GRID1: variants seen among roughly 807,000 people sequenced by gnomAD.
GRID1 encodes glutamate receptor ionotropic, delta-1.
Under a neutral mutation model 98.0 loss-of-function variants are expected in GRID1, and 28 were observed. The ratio of observed to expected loss-of-function variants is 0.29; its 90% CI spans 0.21 to 0.39. The LOEUF (loss-of-function observed/expected upper bound fraction) is 0.39, where lower values mean the gene tolerates loss of function less well. Among genes scored for constraint, GRID1 ranks in the 10% least tolerant of loss-of-function variants. The pLI is 1.00. For missense variants in GRID1, 1,111 were observed against 1,340.5 expected (o/e 0.83, Z 2.67); for synonymous variants, 553 against 538.5 (o/e 1.03, Z -0.37).
intron 3 of GRID1, among the ~76,000 whole-genome samples, chr10:86,193,146 C>T (rs998677312): frequency 3.3e-5 from 5 of 152,068 alleles, no homozygotes; most frequent in Admixed American, 1.3e-4. Context: ...GTATCCAGAA[C>T]GCACTCACCT....
At chr10:85,904,518 T>C (rs1336349573) in intron 5 of GRID1, among the ~76,000 whole-genome samples, 1 of 152,080 alleles carries the variant, frequency 6.6e-6, no homozygotes, top group Non-Finnish European at 1.5e-5. Flanking sequence ...AAAAATGTGG[T>C]CACTTCCAGA....
intron 4 of GRID1, among the ~76,000 whole-genome samples, chr10:86,080,445 AGGGG>A (rs1564668722): frequency 1.2e-4 from 2 of 16,800 alleles, no homozygotes; most frequent in African/African-American, 9.0e-4. Flanking sequence ...AGGGGAGGGG[AGGGG>A]AGGGGAGGGG....
chr10:85,618,330 G>A (rs933263460), intron 14 of GRID1, among the ~76,000 whole-genome samples: 1 of 152,182 alleles, frequency 6.6e-6, no homozygotes, highest in Non-Finnish European at 1.5e-5. Flanking sequence ...CTTACCATCT[G>A]TTCTAGAGAG....
At chr10:85,892,115 T>A (rs1194295482) in intron 5 of GRID1, among the ~76,000 whole-genome samples, 2 of 147,144 alleles carry the variant, frequency 1.4e-5, no homozygotes, top group East Asian at 4.0e-4. Flanking sequence ...ATACACTGGA[T>A]AAAATTAACA....
intron 12 of GRID1, among the ~76,000 whole-genome samples, chr10:85,658,017 C>T (rs1040474206): frequency 1.3e-5 from 2 of 152,168 alleles, no homozygotes; most frequent in Non-Finnish European, 2.9e-5. Flanking sequence ...GCACCATTAA[C>T]CTTTAATATA....
Position 86,138,826 on chromosome 10 carries a change from A to T in GRID1, c.719T>A (p.Ile240Asn). ...LLSPQGAHSF[I>N]NEAVETNLAS... ...CAGGCCCCCATGACCTACCTCGTTG[A>T]TGAAGGAGTGGGCTCCCTGTGGGCT... The change falls in exon 4 of 16, where the codon ATC becomes AAC. Residue 240 changes from isoleucine (I) to asparagine (N), a missense_variant. Ile to Asn is a moderately radical substitution (Grantham distance 149). Transcript: ENST00000327946. 1 of 1,613,946 alleles carries T rather than the reference A, an allele frequency of 6.2e-7. No individual in the cohort carries two copies. Among genetic ancestry groups the T allele is most frequent in the Non-Finnish European group, 8.5e-7 (1 of 1,179,862 alleles).
At chr10:85,853,546 C>T (rs776597175) in intron 8 of GRID1, among the ~76,000 whole-genome samples, 1 of 151,402 alleles carries the variant, frequency 6.6e-6, no homozygotes, top group Admixed American at 6.6e-5. Flanking sequence ...GACCAAGCCA[C>T]TGTGGCCCAT....
chr10:85,827,567 A>T (rs1842831182), intron 8 of GRID1, among the ~76,000 whole-genome samples: 1 of 152,154 alleles, frequency 6.6e-6, no homozygotes, highest in African/African-American at 2.4e-5. Context: ...AAAGCAAGCA[A>T]CTTGGAAAGC....
At chr10:86,170,878 C>T (rs2131993070) in intron 3 of GRID1, among the ~76,000 whole-genome samples, 1 of 152,248 alleles carries the variant, frequency 6.6e-6, no homozygotes, top group Admixed American at 6.5e-5. Flanking sequence ...TTTAAAATAG[C>T]ATGTTTACTC....
chr10:86,364,817 G>A (rs2132125657), intron 1 of GRID1, among the ~76,000 whole-genome samples: 1 of 152,368 alleles, frequency 6.6e-6, no homozygotes. Context: ...CGGAGCTGGG[G>A]GTCCCAGAAG....
At chr10:85,666,087 C>G (rs896029209) in intron 12 of GRID1, among the ~76,000 whole-genome samples, 4 of 152,138 alleles carry the variant, frequency 2.6e-5, no homozygotes, top group African/African-American at 9.7e-5. Context: ...AGAACTACAC[C>G]ACCACTTTTG....
At chr10:85,621,875 A>C (rs574551845) in intron 13 of GRID1, among the ~76,000 whole-genome samples, 1 of 152,294 alleles carries the variant, frequency 6.6e-6, no homozygotes, top group East Asian at 1.9e-4. Flanking sequence ...ATGTTGACTT[A>C]TGACCTAATA....
At chr10:85,930,063 A>G (rs555011404) in intron 4 of GRID1, among the ~76,000 whole-genome samples, 1 of 152,204 alleles carries the variant, frequency 6.6e-6, no homozygotes, top group Non-Finnish European at 1.5e-5. Flanking sequence ...CTATGATTAT[A>G]TTATTTCCTT....
At chr10:86,328,210 G>A (rs989033948) in intron 2 of GRID1, among the ~76,000 whole-genome samples, 1 of 152,188 alleles carries the variant, frequency 6.6e-6, no homozygotes, top group Admixed American at 6.5e-5. Context: ...TCCTTATTCT[G>A]TTATGTGTGT....
In GRID1 at chr10:86,268,538, C is replaced by T. The variant is rs138949680; in HGVS notation, c.236-61890G>A. Among the ~76,000 whole-genome samples, 293 of 152,332 alleles carry T rather than the reference C, an allele frequency of 1.9e-3. 1 individual carries two copies. Among genetic ancestry groups the T allele is most frequent in the African/African-American group, 6.5e-3 (272 of 41,580 alleles). On this transcript the variant is annotated intron_variant, in intron 2 of 15. Coordinates refer to ENST00000327946, the MANE Select transcript of GRID1 (RefSeq NM_017551.3). Reference sequence around the variant, plus strand: ...TGCAAGGCGTGAGAGAACCATGCTTCCTGCAGCATCCAGGCCAGCACAAGG... The same window carrying T: ...TGCAAGGCGTGAGAGAACCATGCTTTCTGCAGCATCCAGGCCAGCACAAGG...
intron 8 of GRID1, among the ~76,000 whole-genome samples, chr10:85,745,723 TAAAA>T (rs143199820): frequency 0.21 from 27,392 of 131,300 alleles, 2,640 homozygotes; most frequent in Middle Eastern, 0.28. Flanking sequence ...AAAGTATAAT[TAAAA>T]AAAAAAAAAA....
chr10:85,872,036 G>T (rs557482652), intron 5 of GRID1, among the ~76,000 whole-genome samples: 6 of 152,122 alleles, frequency 3.9e-5, no homozygotes, highest in Non-Finnish European at 7.3e-5. Context: ...AGATGGAATG[G>T]GCCTAGAACA....
chr10:85,761,787 C>A (rs1842149780), intron 8 of GRID1, among the ~76,000 whole-genome samples: 1 of 152,120 alleles, frequency 6.6e-6, no homozygotes, highest in Non-Finnish European at 1.5e-5. Context: ...GTCTGCCAGA[C>A]AGTCCCTATG....
intron 3 of GRID1, among the ~76,000 whole-genome samples, chr10:86,159,914 T>C (rs1845296615): frequency 6.6e-6 from 1 of 152,162 alleles, no homozygotes; most frequent in Non-Finnish European, 1.5e-5. Flanking sequence ...TGGTAAGAGC[T>C]GAACTAGCTC....
Sources: allele counts gnomAD v4.1 joint callset (sites outside exome capture counted in the v4.1 genomes callset), GRCh38; gene constraint gnomAD v4.1.1; transcripts MANE v1.5; gene names NCBI Gene and HGNC (gene_info 2026-07-23, HGNC 2026-07-21).